The following SPATA31F3 variants were observed in gnomAD, a reference collection of about 807,000 sequenced individuals.
SPATA31F3 encodes the protein SPATA31 subfamily F member 3, also known as protein SPATA31F3.
At chr9:34,890,251 G>C in the SPATA31F3 span, among the ~76,000 whole-genome samples, 1 of 152,212 alleles carries the variant, frequency 6.6e-6, no homozygotes, top group East Asian at 1.9e-4. Flanking sequence ...GCTGGGGAGA[G>C]CTCCAGTGCT....
At chr9:34,891,788 G>T in the SPATA31F3 span, among the ~76,000 whole-genome samples, 1 of 152,164 alleles carries the variant, frequency 6.6e-6, no homozygotes, top group African/African-American at 2.4e-5. Context: ...GGCTTACATT[G>T]TATGATTTCC....
the SPATA31F3 span, among the ~76,000 whole-genome samples, chr9:34,893,383 C>T: frequency 2.5e-4 from 38 of 152,028 alleles, no homozygotes; most frequent in Non-Finnish European, 5.1e-4. Flanking sequence ...GATGGATCAC[C>T]TGAGGTCAGG....
the SPATA31F3 span, chr9:34,889,657 G>T: frequency 2.5e-6 from 1 of 398,536 alleles, no homozygotes; most frequent in South Asian, 1.3e-4. Flanking sequence ...ATGCTCTTGT[G>T]AGTATGGACT....
chr9:34,892,724 G>A, the SPATA31F3 span: 2 of 465,826 alleles, frequency 4.3e-6, no homozygotes, highest in African/African-American at 2.0e-5. Flanking sequence ...AGGAATTCCA[G>A]GCTTCTCAAA....
chr9:34,893,845 G>A, the SPATA31F3 span, among the ~76,000 whole-genome samples: 1 of 152,204 alleles, frequency 6.6e-6, no homozygotes, highest in African/African-American at 2.4e-5. Context: ...TCTCATTTGA[G>A]GCTAAGAAAC....
At chr9:34,894,518 T>G in the SPATA31F3 span, 16 of 398,442 alleles carry the variant, frequency 4.0e-5, no homozygotes, top group Non-Finnish European at 7.1e-5. Context: ...AAACAGAAGA[T>G]AGTGAGTGTT....
At chr9:34,894,585 G>A in the SPATA31F3 span, 1 of 398,158 alleles carries the variant, frequency 2.5e-6, no homozygotes, top group Non-Finnish European at 4.4e-6. Context: ...GCCTTTTAAT[G>A]AGAAGATACT....
the SPATA31F3 span, chr9:34,892,579 G>A: frequency 4.6e-6 from 2 of 432,046 alleles, no homozygotes; most frequent in Non-Finnish European, 8.1e-6. Context: ...AAGGAATGTA[G>A]GGTCATAGGC....
chr9:34,894,327 G>GT, the SPATA31F3 span: 1 of 396,708 alleles, frequency 2.5e-6, no homozygotes, highest in East Asian at 3.6e-5. Context: ...AGCCTCCACT[G>GT]TGTATGTCTC....
At chr9:34,893,864 C>T in the SPATA31F3 span, among the ~76,000 whole-genome samples, 681 of 152,220 alleles carry the variant, frequency 4.5e-3, 2 homozygotes, top group Non-Finnish European at 6.4e-3. Flanking sequence ...ACCCAAAGCC[C>T]GGTATTTGGG....
At chr9:34,890,728 C>A in the SPATA31F3 span, among the ~76,000 whole-genome samples, 1 of 152,116 alleles carries the variant, frequency 6.6e-6, no homozygotes, top group African/African-American at 2.4e-5. Context: ...CCCTGGATTC[C>A]CTTGTTTTTA....
At chr9:34,893,219 C>T in the SPATA31F3 span, 221,027 of 456,152 alleles carry the variant, frequency 0.48, 55,886 homozygotes, top group Non-Finnish European at 0.54. Context: ...AAGTGTGGGC[C>T]GGGGTTGGCA....
At chr9:34,893,162 G>A in the SPATA31F3 span, 1 of 555,268 alleles carries the variant, frequency 1.8e-6, no homozygotes, top group Non-Finnish European at 3.0e-6. Flanking sequence ...GCTGGGAAGA[G>A]AAACATGACA....
chr9:34,892,743 A>G, the SPATA31F3 span: 1 of 464,864 alleles, frequency 2.2e-6, no homozygotes, highest in Non-Finnish European at 3.8e-6. Flanking sequence ...AAGTTTGAAG[A>G]CAGAGATCCC....
the SPATA31F3 span, among the ~76,000 whole-genome samples, chr9:34,890,441 A>G: frequency 6.6e-6 from 1 of 152,332 alleles, no homozygotes; most frequent in East Asian, 1.9e-4. Flanking sequence ...AACACAAAGT[A>G]CCTGGGCCTC....
At chr9:34,891,162 C>G in the SPATA31F3 span, among the ~76,000 whole-genome samples, 2 of 152,188 alleles carry the variant, frequency 1.3e-5, no homozygotes, top group Admixed American at 6.5e-5. Context: ...CAGCATCTGG[C>G]AAGCCCTGTT....
chr9:34,891,788 G>A, the SPATA31F3 span, among the ~76,000 whole-genome samples: 1 of 152,282 alleles, frequency 6.6e-6, no homozygotes, highest in South Asian at 2.1e-4. Context: ...GGCTTACATT[G>A]TATGATTTCC....
chr9:34,895,684 A>T, the SPATA31F3 span: 2 of 404,762 alleles, frequency 4.9e-6, no homozygotes, highest in East Asian at 7.1e-5. Context: ...TGTATAAGGG[A>T]TATCCAACAT....
At chr9:34,893,932 T>C in the SPATA31F3 span, among the ~76,000 whole-genome samples, 62 of 152,324 alleles carry the variant, frequency 4.1e-4, no homozygotes, top group Non-Finnish European at 7.5e-4. Context: ...CCTGCTGATA[T>C]ACTCAATATC....
Sources: allele counts gnomAD v4.1 joint callset (sites outside exome capture counted in the v4.1 genomes callset), GRCh38; gene constraint gnomAD v4.1.1; transcripts MANE v1.5; gene names NCBI Gene and HGNC (gene_info 2026-07-23, HGNC 2026-07-21).